SRGAP2C: variants seen among roughly 807,000 people sequenced by gnomAD.
SRGAP2C encodes the protein SLIT-ROBO Rho GTPase-activating protein 2C.
In SRGAP2C, 15 loss-of-function variants were observed where a neutral mutation model predicts 25.1. That is an observed-to-expected ratio of 0.60 (90% CI 0.40 to 0.92). The LOEUF is 0.92. SRGAP2C is among the 40% of genes least tolerant of loss of function. The pLI, the probability that SRGAP2C is intolerant of heterozygous loss-of-function variation, is 0.00. For missense variants in SRGAP2C, 144 were observed against 264.4 expected (o/e 0.54, Z 3.16); for synonymous variants, 44 against 96.6 (o/e 0.46, Z 3.19).
chr1:121,232,427 T>C (rs1470446100), intron 2 of SRGAP2C, among the ~76,000 whole-genome samples: 1 of 62,430 alleles, frequency 1.6e-5, no homozygotes, highest in Non-Finnish European at 3.2e-5. Flanking sequence ...CTGAGCAAGA[T>C]GTAATTGGGA....
chr1:121,335,251 G>C (rs1658485516), intron 4 of SRGAP2C, among the ~76,000 whole-genome samples: 1 of 149,694 alleles, frequency 6.7e-6, no homozygotes, highest in Non-Finnish European at 1.5e-5. Context: ...TGAGGCAGGA[G>C]AATCACTTGA....
At chr1:121,257,377 G>T (rs1553332706) in intron 2 of SRGAP2C, among the ~76,000 whole-genome samples, 1 of 148,742 alleles carries the variant, frequency 6.7e-6, no homozygotes, top group Non-Finnish European at 1.5e-5. Context: ...GCCTCCCAAA[G>T]TGCTGGGATT....
chr1:121,225,645 T>C (rs1337085172), intron 2 of SRGAP2C, among the ~76,000 whole-genome samples: 1 of 144,364 alleles, frequency 6.9e-6, no homozygotes, highest in Non-Finnish European at 1.5e-5. Context: ...TAGTATAGTA[T>C]TATACATCCA....
chr1:121,373,169 ACTT>A (rs1659543260), intron 5 of SRGAP2C, among the ~76,000 whole-genome samples: 2 of 22,832 alleles, frequency 8.8e-5, no homozygotes, highest in South Asian at 2.5e-3. Flanking sequence ...CTTTTATACT[ACTT>A]CCCTCCTGTG....
At chr1:121,259,693 C>T (rs1553333155) in intron 2 of SRGAP2C, among the ~76,000 whole-genome samples, 1 of 151,170 alleles carries the variant, frequency 6.6e-6, no homozygotes, top group African/African-American at 2.4e-5. Flanking sequence ...GTTAACATTT[C>T]AGTTGGGGAA....
chr1:121,295,377 A>G (rs1229019261), intron 3 of SRGAP2C, among the ~76,000 whole-genome samples: 2 of 151,616 alleles, frequency 1.3e-5, no homozygotes, highest in South Asian at 2.1e-4. Flanking sequence ...GACAAGAAAC[A>G]TGAGACCAAG....
chr1:121,188,047 G>A (rs1332008054), intron 2 of SRGAP2C, among the ~76,000 whole-genome samples: 95 of 152,198 alleles, frequency 6.2e-4, no homozygotes, highest in Non-Finnish European at 1.3e-3. Flanking sequence ...TGCCACCTTG[G>A]GTGTACCTTG....
intron 2 of SRGAP2C, among the ~76,000 whole-genome samples, chr1:121,206,263 A>G (rs1553322503): frequency 1.3e-5 from 2 of 152,012 alleles, no homozygotes; most frequent in Admixed American, 1.3e-4. Flanking sequence ...GAGGGTGGAC[A>G]GTGGGCAGCC....
intron 4 of SRGAP2C, among the ~76,000 whole-genome samples, chr1:121,338,550 G>A (rs1373374865): frequency 2.2e-5 from 3 of 133,434 alleles, no homozygotes; most frequent in Admixed American, 7.7e-5. Context: ...GGGGTTTTTT[G>A]TTTTGTTTTC....
At chr1:121,294,441 C>A (rs1385006838) in intron 3 of SRGAP2C, among the ~76,000 whole-genome samples, 1 of 146,940 alleles carries the variant, frequency 6.8e-6, no homozygotes, top group African/African-American at 2.5e-5. Context: ...GGGTAGGAAG[C>A]CTTTCTAGGG....
At chr1:121,238,620 TTTTTC>T (rs1247385071) in intron 2 of SRGAP2C, among the ~76,000 whole-genome samples, 1 of 151,814 alleles carries the variant, frequency 6.6e-6, no homozygotes, top group African/African-American at 2.4e-5. Context: ...TTACTTTTTT[TTTTTC>T]TTTTATGAGA....
intron 3 of SRGAP2C, among the ~76,000 whole-genome samples, chr1:121,305,243 A>G (rs1657803666): frequency 1.3e-5 from 2 of 151,668 alleles, no homozygotes; most frequent in Admixed American, 6.6e-5. Context: ...GCTGTAGGCC[A>G]TGATTGTCTG....
intron 2 of SRGAP2C, among the ~76,000 whole-genome samples, chr1:121,237,443 GCTAA>G (rs1655986483): frequency 6.6e-6 from 1 of 152,142 alleles, no homozygotes; most frequent in Non-Finnish European, 1.5e-5. Context: ...TCAGGACTGT[GCTAA>G]CTTACACTTC....
chr1:121,336,247 T>C (rs1658512762), intron 4 of SRGAP2C, among the ~76,000 whole-genome samples: 1 of 151,256 alleles, frequency 6.6e-6, no homozygotes, highest in Non-Finnish European at 1.5e-5. Context: ...CAACTGTTGA[T>C]GGCATTTGGA....
In SRGAP2C at chr1:121,368,146, G is replaced by C. The variant is rs587763359; in HGVS notation, c.486+2791G>C. ...TAGCCGGTCACAGTGGCTCATGCCCGTAATCCCAGCACTTTGGGAGGCTGA... is the reference window on the plus strand; with the variant it reads ...TAGCCGGTCACAGTGGCTCATGCCCCTAATCCCAGCACTTTGGGAGGCTGA... On this transcript the variant is annotated intron_variant, in intron 5 of 9. Coordinates refer to ENST00000367123, the MANE Select transcript of SRGAP2C (RefSeq NM_001329984.2). Among the ~76,000 whole-genome samples, 3 of 108,770 alleles carry C rather than the reference G, an allele frequency of 2.8e-5. No individual in the cohort carries two copies. The East Asian group carries it at 9.0e-4, about 32-fold the overall frequency. The allele number at this position is 108,770 out of a possible 152,430, so 71.4% of individuals were successfully genotyped here.
In SRGAP2C at chr1:121,323,092, G is replaced by A. The variant is rs1475757002; in HGVS notation, c.261-1386G>A. Among the ~76,000 whole-genome samples, 5 of 151,554 alleles carry A rather than the reference G, an allele frequency of 3.3e-5. No homozygotes were observed. In the South Asian group the frequency reaches 8.4e-4, roughly 25 times the overall value. ...CTACTTTTCCTCATCTGCCAAATGT[G>A]GTTAATAACACCCACCTCATCAGGT... On this transcript the variant is annotated intron_variant, in intron 3 of 9. Coordinates refer to ENST00000367123, the MANE Select transcript of SRGAP2C (RefSeq NM_001329984.2).
chr1:121,298,091 G>A (rs1657633941), intron 3 of SRGAP2C, among the ~76,000 whole-genome samples: 1 of 151,668 alleles, frequency 6.6e-6, no homozygotes, highest in Non-Finnish European at 1.5e-5. Context: ...CCCCTACCCT[G>A]ATTTTTATGG....
intron 2 of SRGAP2C, among the ~76,000 whole-genome samples, chr1:121,280,340 C>T (rs1411970386): frequency 1.6e-4 from 25 of 151,654 alleles, no homozygotes; most frequent in African/African-American, 5.6e-4. Context: ...GATTTCTTTC[C>T]GCTATTGATG....
At chr1:121,315,438 G>A (rs1285025092) in intron 3 of SRGAP2C, among the ~76,000 whole-genome samples, 19 of 148,632 alleles carry the variant, frequency 1.3e-4, no homozygotes, top group East Asian at 2.1e-4. Flanking sequence ...AGTTCAAGGC[G>A]CTTTCCACAG....
Sources: allele counts gnomAD v4.1 joint callset (sites outside exome capture counted in the v4.1 genomes callset), GRCh38; gene constraint gnomAD v4.1.1; transcripts MANE v1.5; gene names NCBI Gene and HGNC (gene_info 2026-07-23, HGNC 2026-07-21).